Variants in AEN observed in about 807,000 individuals in gnomAD.
AEN encodes the protein apoptosis enhancing nuclease, also known as apoptosis-enhancing nuclease.
AEN carries 21 observed loss-of-function variants against 17.7 expected under a neutral mutation model. The observed-to-expected ratio is 1.19, with a 90% CI of 0.84 to 1.71. AEN has a LOEUF of 1.71. AEN is among the 40% of genes most tolerant of loss of function. The pLI, the probability that AEN is intolerant of heterozygous loss-of-function variation, is 0.00. For missense variants in AEN, 462 were observed against 435.9 expected (o/e 1.06, Z -0.53); for synonymous variants, 190 against 173.0 (o/e 1.10, Z -0.77).
At chr15:88,626,801 C>T (rs1297149577) in intron 2 of AEN, 52 bp downstream of exon 2, 2 of 1,550,478 alleles carry the variant, frequency 1.3e-6, no homozygotes, top group Admixed American at 1.9e-5. Context: ...CTGGAAAGAG[C>T]CACCCTGGGT....
At chr15:88,628,950 G>T in intron 2 of AEN, 1 of 404,150 alleles carries the variant, frequency 2.5e-6, no homozygotes, top group Non-Finnish European at 4.5e-6. Context: ...CCATGACCTC[G>T]TTTAGTCCTT....
chr15:88,623,196 C>T (rs2057809738), intron 1 of AEN, among the ~76,000 whole-genome samples: 1 of 152,094 alleles, frequency 6.6e-6, no homozygotes. Context: ...ATGTGACTGT[C>T]AATATGAGGA....
At chr15:88,610,621 C>G in the AEN span, among the ~76,000 whole-genome samples, 1 of 152,150 alleles carries the variant, frequency 6.6e-6, no homozygotes, top group Non-Finnish European at 1.5e-5. Context: ...TGACTCCCCC[C>G]ACTCCTCCTG....
chr15:88,616,822 C>A (rs768570297), upstream of AEN, among the ~76,000 whole-genome samples: 7 of 152,108 alleles, frequency 4.6e-5, no homozygotes, highest in African/African-American at 1.7e-4. Context: ...TTTATTATAA[C>A]ATTTGTGTTA....
chr15:88,608,976 T>C, the AEN span, among the ~76,000 whole-genome samples: 1 of 152,194 alleles, frequency 6.6e-6, no homozygotes, highest in Non-Finnish European at 1.5e-5. Context: ...TGGTCCCCAC[T>C]TCCCTAAAAG....
rs1339488344 is a variant in AEN at position 88,630,430 on chromosome 15, G to A, written c.*136G>A. On this transcript the variant is annotated 3_prime_UTR_variant, in exon 4 of 4. Coordinates refer to ENST00000332810, the MANE Select transcript of AEN (RefSeq NM_022767.4). This position sits in a 1 kb window ranked among gnomAD's most constrained non-coding sequence, Gnocchi z 5.1. Reference sequence around the variant, plus strand: ...CAGCCCCAGGGCCAGAGGAGTAGGGGTCATCTGTTACCTTGACACCCTCTG... The same window carrying A: ...CAGCCCCAGGGCCAGAGGAGTAGGGATCATCTGTTACCTTGACACCCTCTG... 1 of 731,978 alleles carries A rather than the reference G, an allele frequency of 1.4e-6. No individual in the cohort carries two copies. Among genetic ancestry groups the A allele is most frequent in the Admixed American group, 2.6e-5 (1 of 38,676 alleles). The allele number at this position is 731,978 out of a possible 1,614,324, so 45.3% of individuals were successfully genotyped here.
At position 88,630,203 on chromosome 15, in the gene AEN, T is replaced by G. The variant is rs954797611; in HGVS notation, c.887T>G (p.Met296Arg). The G allele has an allele frequency of 6.2e-7, 1 of 1,612,018 alleles. No individual in the cohort carries two copies. Among genetic ancestry groups the G allele is most frequent in the Non-Finnish European group, 8.5e-7 (1 of 1,179,186 alleles). ...AGAGAACCTGACAGCAGCACAGACA[T>G]GGAACAGTACATGGAGGACCAGTAC... ...EDREPDSSTD[M>R]EQYMEDQYWP... The change falls in exon 4 of 4, where the codon ATG becomes AGG. Residue 296 changes from methionine (M) to arginine (R), a missense_variant. Physicochemically the swap from Met to Arg is moderately conservative, Grantham distance 91. Transcript: ENST00000332810. The surrounding 1 kb of genome is among the most constrained non-coding windows in gnomAD (Gnocchi z 5.1).
At chr15:88,617,555 C>T (rs2057748437), upstream of AEN, among the ~76,000 whole-genome samples, 1 of 152,178 alleles carries the variant, frequency 6.6e-6, no homozygotes, top group African/African-American at 2.4e-5. Context: ...GCCCGGCCTT[C>T]ATTTTTAAAG....
At chr15:88,627,641 G>T (rs879284005) in intron 2 of AEN, 4 of 152,256 alleles carry the variant, frequency 2.6e-5, no homozygotes, top group Non-Finnish European at 5.9e-5. Context: ...CAGACAGGAA[G>T]TGTGACACCA....
At chr15:88,628,143 C>T (rs181225878) in intron 2 of AEN, 1 of 152,294 alleles carries the variant, frequency 6.6e-6, no homozygotes, top group African/African-American at 2.4e-5. Flanking sequence ...GTCCCAAGAG[C>T]AGGACCACTT....
At chr15:88,621,968 A>G (rs1054305632) in intron 1 of AEN, among the ~76,000 whole-genome samples, 1 of 152,070 alleles carries the variant, frequency 6.6e-6, no homozygotes, top group African/African-American at 2.4e-5. Context: ...GTAATTAACT[A>G]CATTTGGGAA....
the AEN span, among the ~76,000 whole-genome samples, chr15:88,605,756 A>G: frequency 6.6e-6 from 1 of 152,170 alleles, no homozygotes; most frequent in Non-Finnish European, 1.5e-5. This position sits in a 1 kb window ranked among gnomAD's most constrained non-coding sequence, Gnocchi z 7.6. Context: ...TCGGCTCAGA[A>G]TCAGGCTGCT....
the AEN span, among the ~76,000 whole-genome samples, chr15:88,606,213 C>G: frequency 3.3e-5 from 5 of 152,194 alleles, no homozygotes; most frequent in Admixed American, 6.5e-5. Context: ...CGTGCTCCCT[C>G]TCGCTCTCTC....
intron 2 of AEN, 125 bp downstream of exon 2, chr15:88,626,874 A>C: frequency 9.6e-7 from 1 of 1,043,150 alleles, no homozygotes; most frequent in South Asian, 1.5e-5. Context: ...AACTGCTCCA[A>C]ACAGTAGGTT....
rs1007063911 is a variant in AEN at position 88,629,275 on chromosome 15, A to G, written c.590A>G (p.Asn197Ser). 5 of 1,614,006 alleles carry G rather than the reference A, an allele frequency of 3.1e-6. No individual in the cohort carries two copies. Among genetic ancestry groups the G allele is most frequent in the African/African-American group, 1.3e-5 (1 of 74,902 alleles). ...GKVVVGHALH[N>S]DFQALKYVHP... ...GTGGTGGTGGGGCACGCGCTGCACA[A>G]CGACTTCCAGGCGCTCAAGTATGTC... is the stretch of plus-strand genomic sequence containing the variant. The change falls in exon 3 of 4, where the codon AAC becomes AGC. Residue 197 changes from asparagine to serine, a missense_variant. Asn to Ser is a conservative substitution (Grantham distance 46, BLOSUM62 1). Transcript: ENST00000332810.
upstream of AEN, among the ~76,000 whole-genome samples, chr15:88,619,551 G>A (rs1341198216): frequency 2.6e-5 from 4 of 152,166 alleles, no homozygotes; most frequent in African/African-American, 9.7e-5. Flanking sequence ...AGCTGGGCAT[G>A]GTGGCACGTG....
At chr15:88,622,925 C>G (rs1052210881) in intron 1 of AEN, among the ~76,000 whole-genome samples, 4 of 152,218 alleles carry the variant, frequency 2.6e-5, no homozygotes, top group Non-Finnish European at 5.9e-5. Context: ...AAAAGGACTA[C>G]TTTCCTCTCT....
upstream of AEN, among the ~76,000 whole-genome samples, chr15:88,620,372 C>G (rs1190249157): frequency 6.6e-6 from 1 of 151,932 alleles, no homozygotes; most frequent in Non-Finnish European, 1.5e-5. Flanking sequence ...TATTATTGTT[C>G]TTGTTATTAC....
chr15:88,622,572 A>G (rs1379051269), intron 1 of AEN, among the ~76,000 whole-genome samples: 2 of 152,226 alleles, frequency 1.3e-5, no homozygotes, highest in African/African-American at 2.4e-5. Flanking sequence ...TGATTGAGCA[A>G]TCTAGGGGGT....
Sources: gnomAD v4.1 joint callset for allele counts (sites outside exome capture counted in the v4.1 genomes callset) on GRCh38, gnomAD v4.1.1 for gene constraint, Gnocchi (gnomAD v3.1) non-coding constraint, MANE v1.5 for transcripts, NCBI Gene and HGNC (gene_info 2026-07-23, HGNC 2026-07-21) for gene names.